Variants in SIDT1 observed in about 807,000 individuals in gnomAD.
The protein encoded by SIDT1 is SID1 transmembrane family, member 1.
Under a neutral mutation model 107.5 loss-of-function variants are expected in SIDT1, and 101 were observed. The observed-to-expected ratio is 0.94, with a 90% CI of 0.80 to 1.11. SIDT1 has a LOEUF of 1.11. SIDT1 is among the 50% of genes least tolerant of loss of function. The probability of loss-of-function intolerance (pLI) is 0.00; values close to 1 mark genes in which losing one functional copy is unlikely to be tolerated. For synonymous variants in SIDT1, 395 were observed against 398.2 expected, an observed-to-expected ratio of 0.99 and a Z score of 0.10; for missense variants, 1,076 against 1,058.2, an observed-to-expected ratio of 1.02 and a Z score of -0.23.
chr3:113,595,473 G>A (rs1358166004), intron 10 of SIDT1, among the ~76,000 whole-genome samples: 8 of 151,996 alleles, frequency 5.3e-5, no homozygotes, highest in Admixed American at 2.0e-4. Context: ...CAGCTACTTC[G>A]GAGGCTGCTA....
At chr3:113,562,275 T>C (rs1448963113) in intron 1 of SIDT1, among the ~76,000 whole-genome samples, 2 of 152,198 alleles carry the variant, frequency 1.3e-5, no homozygotes, top group Non-Finnish European at 2.9e-5. Context: ...TACTGGAATG[T>C]AAAATGATGT....
intron 3 of SIDT1, among the ~76,000 whole-genome samples, chr3:113,571,377 A>C (rs1942431112): frequency 6.6e-6 from 1 of 152,210 alleles, no homozygotes; most frequent in Non-Finnish European, 1.5e-5. Context: ...TGATTGTGCC[A>C]CTGCACTCTA....
chr3:113,607,959 T>C, intron 15 of SIDT1, 135 bp from the exon 16 acceptor site: 1 of 1,038,478 alleles, frequency 9.6e-7, no homozygotes, highest in South Asian at 2.5e-5. Flanking sequence ...CTAATACTTT[T>C]CTGATCTTGA....
downstream of SIDT1, among the ~76,000 whole-genome samples, chr3:113,634,259 C>T (rs1947110246): frequency 6.6e-6 from 1 of 152,238 alleles, no homozygotes; most frequent in Admixed American, 6.5e-5. Flanking sequence ...AGCTTTCAGT[C>T]TGCCCTCTTA....
downstream of SIDT1, among the ~76,000 whole-genome samples, chr3:113,630,751 C>T (rs1577014766): frequency 6.6e-6 from 1 of 152,154 alleles, no homozygotes; most frequent in South Asian, 2.1e-4. Context: ...CATGATTCTA[C>T]GTGAGAATGG....
chr3:113,581,558 T>C, intron 6 of SIDT1, 114 bp downstream of exon 6: 1 of 822,744 alleles, frequency 1.2e-6, no homozygotes, highest in Non-Finnish European at 2.0e-6. Flanking sequence ...AGGATCTCCT[T>C]CCTTTCTGAT....
Position 113,627,706 on chromosome 3 carries a change from T to C in SIDT1, c.2482T>C (p.Ter828ArgextTer22), listed in dbSNP as rs924395050. ...VVRRDQIPVF[*>R] is the part of the protein sequence containing the mutation. ...TCGGAGAGACCAGATCCCTGTCTTC[T>C]GAACCTCCAACATTAAGAGAGGGGA... The change falls in exon 25 of 25, where the codon TGA becomes CGA. Residue 828 changes from the stop codon to arginine, a stop_lost. Transcript: ENST00000264852. 1.1e-5 allele frequency: 17 copies of C among 1,613,376 alleles called. No individual in the cohort carries two copies. In the Middle Eastern group the frequency reaches 5.4e-4, roughly 51 times the overall value.
chr3:113,590,188 G>T (rs574066779), intron 9 of SIDT1: 5 of 152,296 alleles, frequency 3.3e-5, no homozygotes, highest in Admixed American at 2.6e-4. Context: ...AATGACTCAG[G>T]TAGAGAACAA....
At chr3:113,586,010 A>G (rs942807861) in intron 9 of SIDT1, among the ~76,000 whole-genome samples, 1 of 152,218 alleles carries the variant, frequency 6.6e-6, no homozygotes. Flanking sequence ...TTGAACATGT[A>G]AAGAAAACAA....
intron 10 of SIDT1, chr3:113,601,361 C>G: frequency 2.6e-6 from 1 of 383,616 alleles, no homozygotes; most frequent in Non-Finnish European, 4.7e-6. Context: ...GGATTTTTTC[C>G]CCAGTCATTT....
chr3:113,580,773 A>AC, intron 5 of SIDT1, 64 bp downstream of exon 5: 1 of 1,059,028 alleles, frequency 9.4e-7, no homozygotes, highest in Non-Finnish European at 1.5e-6. Flanking sequence ...AACAAATGAA[A>AC]GAGAAGGGTG....
At chr3:113,588,441 G>A (rs56843844) in intron 9 of SIDT1, among the ~76,000 whole-genome samples, 2,000 of 152,294 alleles carry the variant, frequency 0.013, 44 homozygotes, top group African/African-American at 0.046. Flanking sequence ...GTTACTTGAT[G>A]AGTCCCTTAA....
intron 1 of SIDT1, among the ~76,000 whole-genome samples, chr3:113,563,235 TTAAG>T (rs1941594254): frequency 6.6e-6 from 1 of 152,148 alleles, no homozygotes; most frequent in South Asian, 2.1e-4. Flanking sequence ...AGGCGAACTT[TTAAG>T]TAAGTGATGT....
In SIDT1 at chr3:113,605,369, G is replaced by T. The variant is rs557155149; in HGVS notation, c.1404+393G>T. ...TCAAACTCCTAACCTCAGGTGATCC[G>T]CCTGCTTCAGCCTCCCAAAGTACTG... On this transcript the variant is annotated intron_variant, in intron 14 of 24. Transcript: ENST00000264852. Among the ~76,000 whole-genome samples, 3 of 151,792 alleles carry T rather than the reference G, an allele frequency of 2.0e-5. No homozygotes were observed. The South Asian group carries it at 6.2e-4, about 32-fold the overall frequency.
At chr3:113,578,482 AAG>A (rs1413122397) in intron 4 of SIDT1, among the ~76,000 whole-genome samples, 5 of 151,078 alleles carry the variant, frequency 3.3e-5, no homozygotes, top group African/African-American at 9.7e-5. Context: ...AAAAAAAAAA[AAG>A]AAGAGGAATA....
At chr3:113,595,389 A>G (rs1013956341) in intron 10 of SIDT1, among the ~76,000 whole-genome samples, 1 of 152,136 alleles carries the variant, frequency 6.6e-6, no homozygotes, top group Non-Finnish European at 1.5e-5. Flanking sequence ...CCTAGGCAAC[A>G]TAGTAAGACT....
intron 23 of SIDT1, 37 bp downstream of exon 23, chr3:113,623,770 C>A: frequency 1.4e-6 from 2 of 1,439,536 alleles, no homozygotes; most frequent in Non-Finnish European, 2.0e-6. Flanking sequence ...AACAACCTCT[C>A]TCTCCAACTT....
chr3:113,594,502 G>A (rs1161230056), intron 10 of SIDT1, among the ~76,000 whole-genome samples: 2 of 151,972 alleles, frequency 1.3e-5, no homozygotes, highest in East Asian at 3.9e-4. Context: ...GCCTCTGAAT[G>A]GTTAGTCTGT....
At chr3:113,569,041 G>A (rs1448695696) in intron 3 of SIDT1, among the ~76,000 whole-genome samples, 1 of 150,096 alleles carries the variant, frequency 6.7e-6, no homozygotes, top group East Asian at 2.0e-4. Flanking sequence ...TCCGGAGGCT[G>A]AGGCAGGAGA....
Sources: gnomAD v4.1 joint callset for allele counts (sites outside exome capture counted in the v4.1 genomes callset) on GRCh38, gnomAD v4.1.1 for gene constraint, MANE v1.5 for transcripts, NCBI Gene and HGNC (gene_info 2026-07-23, HGNC 2026-07-21) for gene names.